Variants in MLLT3 observed in about 807,000 individuals in gnomAD.
The protein encoded by MLLT3 is protein AF-9.
Under a neutral mutation model 53.2 loss-of-function variants are expected in MLLT3, and 4 were observed. That is an observed-to-expected ratio of 0.08 (90% CI 0.04 to 0.17). The LOEUF is 0.17. Ranked by LOEUF, MLLT3 falls within the 10% of genes least tolerant of loss-of-function variation. The probability of loss-of-function intolerance (pLI) is 1.00; values close to 1 mark genes in which losing one functional copy is unlikely to be tolerated. For missense variants in MLLT3, 569 were observed against 684.0 expected, an observed-to-expected ratio of 0.83 and a Z score of 1.87; for synonymous variants, 283 against 230.6, an observed-to-expected ratio of 1.23 and a Z score of -2.06.
At chr9:20,594,629 T>A (rs923389935) in intron 2 of MLLT3, among the ~76,000 whole-genome samples, 54 of 152,040 alleles carry the variant, frequency 3.6e-4, no homozygotes, top group African/African-American at 1.2e-3. Context: ...GCACAAGACA[T>A]AGGTCATAAA....
At chr9:20,547,085 T>A (rs769554135) in intron 2 of MLLT3, among the ~76,000 whole-genome samples, 11 of 152,208 alleles carry the variant, frequency 7.2e-5, no homozygotes, top group Non-Finnish European at 1.6e-4. Context: ...CAATAGGAGT[T>A]TGGCACAACA....
intron 2 of MLLT3, among the ~76,000 whole-genome samples, chr9:20,539,005 G>A (rs569147402): frequency 1.1e-3 from 172 of 152,340 alleles, no homozygotes; most frequent in Admixed American, 2.4e-3. Context: ...AATCACTTGA[G>A]CATTCAGCAA....
chr9:20,497,718 G>T (rs1233146662), intron 2 of MLLT3, among the ~76,000 whole-genome samples: 1 of 151,976 alleles, frequency 6.6e-6, no homozygotes, highest in African/African-American at 2.4e-5. Context: ...TGGACATCTG[G>T]GTGTCCTTCA....
chr9:20,557,878 G>A (rs1362461777), intron 2 of MLLT3, among the ~76,000 whole-genome samples: 1 of 152,132 alleles, frequency 6.6e-6, no homozygotes, highest in Non-Finnish European at 1.5e-5. Flanking sequence ...TATTCCCAGG[G>A]CTTCATTCAT....
intron 2 of MLLT3, among the ~76,000 whole-genome samples, chr9:20,601,873 T>C (rs1008217490): frequency 6.6e-6 from 1 of 152,134 alleles, no homozygotes; most frequent in Non-Finnish European, 1.5e-5. Flanking sequence ...CCTATACAAA[T>C]AGGTCTGATT....
At chr9:20,564,435 T>A (rs1383462271) in intron 2 of MLLT3, among the ~76,000 whole-genome samples, 3 of 152,140 alleles carry the variant, frequency 2.0e-5, no homozygotes, top group African/African-American at 7.2e-5. Flanking sequence ...TTTTTAAGTG[T>A]GTCTAGGATC....
chr9:20,369,987 A>G (rs1397404851), intron 5 of MLLT3, among the ~76,000 whole-genome samples: 2 of 152,168 alleles, frequency 1.3e-5, no homozygotes, highest in East Asian at 3.8e-4. Flanking sequence ...TTCTTAATAT[A>G]ACACCTGTTT....
intron 5 of MLLT3, among the ~76,000 whole-genome samples, chr9:20,385,026 T>TA (rs1442934612): frequency 7.2e-5 from 11 of 152,260 alleles, no homozygotes; most frequent in African/African-American, 2.4e-4. Flanking sequence ...AGTAAAAAGT[T>TA]ACCTCTAGAC....
intron 5 of MLLT3, among the ~76,000 whole-genome samples, chr9:20,369,659 C>A (rs1376777911): frequency 6.6e-6 from 1 of 152,120 alleles, no homozygotes; most frequent in African/African-American, 2.4e-5. Context: ...TTGCAGTTCA[C>A]TGTGAGTTAT....
At chr9:20,371,232 G>T (rs1427565499) in intron 5 of MLLT3, among the ~76,000 whole-genome samples, 1 of 152,230 alleles carries the variant, frequency 6.6e-6, no homozygotes, top group African/African-American at 2.4e-5. Context: ...AGTTGAAGCA[G>T]CAAGAGCTGA....
chr9:20,578,933 C>A (rs1333517523), intron 2 of MLLT3, among the ~76,000 whole-genome samples: 1 of 152,098 alleles, frequency 6.6e-6, no homozygotes, highest in Admixed American at 6.6e-5. Context: ...TTACTTGTTT[C>A]TTTTTACTTT....
At chr9:20,490,453 C>G (rs1824920500) in intron 2 of MLLT3, among the ~76,000 whole-genome samples, 1 of 152,200 alleles carries the variant, frequency 6.6e-6, no homozygotes, top group South Asian at 2.1e-4. Flanking sequence ...TGGAGAGATG[C>G]CTCTAGTTGC....
intron 3 of MLLT3, among the ~76,000 whole-genome samples, chr9:20,450,059 A>C (rs1327681373): frequency 1.3e-5 from 2 of 152,200 alleles, no homozygotes; most frequent in South Asian, 4.1e-4. Context: ...ATGTTAAACT[A>C]AAGTTACCTT....
chr9:20,386,042 A>G (rs1464514898), intron 5 of MLLT3, among the ~76,000 whole-genome samples: 1 of 152,170 alleles, frequency 6.6e-6, no homozygotes, highest in Non-Finnish European at 1.5e-5. Flanking sequence ...CCTTAGGTTG[A>G]AACTGAATTC....
chr9:20,557,211 T>C (rs1819083281), intron 2 of MLLT3, among the ~76,000 whole-genome samples: 1 of 151,956 alleles, frequency 6.6e-6, no homozygotes, highest in African/African-American at 2.4e-5. Context: ...GCAGGGGCTT[T>C]TGGTCAGGTG....
chr9:20,528,084 C>G (rs963303183), intron 2 of MLLT3, among the ~76,000 whole-genome samples: 1 of 152,206 alleles, frequency 6.6e-6, no homozygotes, highest in Admixed American at 6.5e-5. Flanking sequence ...GCATTTGGTA[C>G]ATGTTCATTA....
At chr9:20,618,707 G>C (rs959433197) in intron 2 of MLLT3, among the ~76,000 whole-genome samples, 1 of 152,154 alleles carries the variant, frequency 6.6e-6, no homozygotes, top group Admixed American at 6.5e-5. Flanking sequence ...ACAACTCCCA[G>C]GTGTGGCCTA....
intron 7 of MLLT3, among the ~76,000 whole-genome samples, chr9:20,362,336 C>A (rs1488551226): frequency 6.6e-6 from 1 of 152,182 alleles, no homozygotes; most frequent in Non-Finnish European, 1.5e-5. Context: ...CTAAATAGGT[C>A]ATACGTTTTT....
chr9:20,428,373 T>C (rs188379932), intron 4 of MLLT3, among the ~76,000 whole-genome samples: 6 of 152,164 alleles, frequency 3.9e-5, no homozygotes, highest in African/African-American at 7.2e-5. Context: ...GAAGACATTA[T>C]GGTAATATAA....
Sources: allele counts gnomAD v4.1 joint callset (sites outside exome capture counted in the v4.1 genomes callset), GRCh38; gene constraint gnomAD v4.1.1; transcripts MANE v1.5; gene names NCBI Gene and HGNC (gene_info 2026-07-23, HGNC 2026-07-21).